The following CNTN6 variants were observed in gnomAD, a reference collection of about 807,000 sequenced individuals.
The protein encoded by CNTN6 is contactin-6.
A neutral mutation model predicts 122.8 loss-of-function variants in CNTN6; 137 were observed. That is an observed-to-expected ratio of 1.12 (90% CI 0.97 to 1.29). The LOEUF is 1.29. CNTN6 is among the 50% of genes most tolerant of loss of function. The probability of loss-of-function intolerance (pLI) is 0.00; values close to 1 mark genes in which losing one functional copy is unlikely to be tolerated. For synonymous variants in CNTN6, 570 were observed against 426.0 expected, an observed-to-expected ratio of 1.34 and a Z score of -4.16; for missense variants, 1,634 against 1,223.4, an observed-to-expected ratio of 1.34 and a Z score of -5.01.
chr3:1,231,198 G>C (rs192604172), intron 4 of CNTN6, among the ~76,000 whole-genome samples: 33 of 152,294 alleles, frequency 2.2e-4, no homozygotes, highest in Admixed American at 2.2e-3. Flanking sequence ...GCGAGACAGA[G>C]ATTAAACATT....
chr3:1,104,735 T>G (rs2091133938), intron 1 of CNTN6, among the ~76,000 whole-genome samples: 1 of 152,054 alleles, frequency 6.6e-6, no homozygotes, highest in Non-Finnish European at 1.5e-5. Flanking sequence ...TTCAGTCATC[T>G]TGTATATGTG....
intron 4 of CNTN6, among the ~76,000 whole-genome samples, chr3:1,229,593 G>C (rs1359235949): frequency 6.6e-6 from 1 of 152,056 alleles, no homozygotes; most frequent in East Asian, 1.9e-4. Flanking sequence ...ACAAAAATAT[G>C]TTTTAAAATG....
chr3:1,344,691 C>A (rs1033055980), intron 11 of CNTN6, among the ~76,000 whole-genome samples: 1 of 152,186 alleles, frequency 6.6e-6, no homozygotes, highest in African/African-American at 2.4e-5. Context: ...TTGGGACTCA[C>A]ACAACTCTTC....
chr3:1,156,689 CT>C (rs2092973965), intron 2 of CNTN6, among the ~76,000 whole-genome samples: 1 of 138,542 alleles, frequency 7.2e-6, no homozygotes, highest in African/African-American at 2.7e-5. Context: ...CTTTCCCTCC[CT>C]CCCTTCCTTC....
At chr3:1,189,709 C>G (rs1159707812) in intron 2 of CNTN6, among the ~76,000 whole-genome samples, 1 of 152,066 alleles carries the variant, frequency 6.6e-6, no homozygotes. Context: ...CAATGAGAAG[C>G]CTTTGAGGCC....
intron 4 of CNTN6, among the ~76,000 whole-genome samples, chr3:1,234,134 T>A (rs1405591823): frequency 6.6e-6 from 1 of 152,182 alleles, no homozygotes; most frequent in Non-Finnish European, 1.5e-5. Flanking sequence ...ACTATGTTAC[T>A]TGCCCAAGGT....
chr3:1,271,890 C>A (rs532833483), intron 4 of CNTN6, among the ~76,000 whole-genome samples: 1 of 152,202 alleles, frequency 6.6e-6, no homozygotes, highest in African/African-American at 2.4e-5. Flanking sequence ...ACCGTGGAAC[C>A]AGAGGGATAT....
intron 6 of CNTN6, among the ~76,000 whole-genome samples, chr3:1,297,638 CTTTTTT>C (rs71303106): frequency 7.2e-6 from 1 of 138,544 alleles, no homozygotes; most frequent in Non-Finnish European, 1.6e-5. Flanking sequence ...TTGTTTTTTT[CTTTTTT>C]TTTTTTTTTA....
intron 1 of CNTN6, among the ~76,000 whole-genome samples, chr3:1,097,710 G>A (rs747055012): frequency 1.3e-5 from 2 of 152,130 alleles, no homozygotes; most frequent in Non-Finnish European, 2.9e-5. Flanking sequence ...GTATTTTCAA[G>A]AGAATTCAGC....
intron 11 of CNTN6, among the ~76,000 whole-genome samples, chr3:1,332,493 A>AGG: frequency 1.7e-5 from 2 of 121,184 alleles, no homozygotes; most frequent in Admixed American, 9.5e-5. Flanking sequence ...AAAGGAAGGA[A>AGG]AAAAGGAAGG....
chr3:1,330,494 A>C (rs1012291042), intron 11 of CNTN6, among the ~76,000 whole-genome samples: 4 of 151,922 alleles, frequency 2.6e-5, no homozygotes, highest in South Asian at 2.1e-4. Flanking sequence ...AACAAACAAA[A>C]AAAAAGACGG....
intron 2 of CNTN6, among the ~76,000 whole-genome samples, chr3:1,175,488 C>G (rs2093432575): frequency 6.6e-6 from 1 of 152,148 alleles, no homozygotes; most frequent in African/African-American, 2.4e-5. Flanking sequence ...CAGATAGCAA[C>G]TGGGAGCACA....
intron 1 of CNTN6, among the ~76,000 whole-genome samples, chr3:1,117,861 A>G (rs537739865): frequency 6.6e-6 from 1 of 152,308 alleles, no homozygotes; most frequent in Admixed American, 6.5e-5. Context: ...AGTGTATATT[A>G]TATAGAACCT....
At chr3:1,240,514 C>G (rs2094469166) in intron 4 of CNTN6, among the ~76,000 whole-genome samples, 2 of 151,868 alleles carry the variant, frequency 1.3e-5, no homozygotes, top group Non-Finnish European at 2.9e-5. Context: ...ATCAAAAACT[C>G]AAAAAATAAT....
chr3:1,353,091 T>A (rs148628625), intron 12 of CNTN6, among the ~76,000 whole-genome samples: 108 of 151,802 alleles, frequency 7.1e-4, no homozygotes, highest in African/African-American at 2.6e-3. Context: ...AAGGACATAA[T>A]TAATATTAGA....
intron 1 of CNTN6, among the ~76,000 whole-genome samples, chr3:1,135,984 T>C (rs1408137234): frequency 6.6e-6 from 1 of 152,108 alleles, no homozygotes; most frequent in East Asian, 1.9e-4. Flanking sequence ...AGAACCAAAC[T>C]CTGTCTCAAA....
At chr3:1,348,331 A>G (rs527701323) in intron 11 of CNTN6, among the ~76,000 whole-genome samples, 3 of 152,060 alleles carry the variant, frequency 2.0e-5, no homozygotes, top group African/African-American at 7.2e-5. Context: ...AAAGAGGAAA[A>G]ACAATCCTTA....
intron 12 of CNTN6, among the ~76,000 whole-genome samples, chr3:1,366,902 G>C (rs1439879355): frequency 2.0e-5 from 3 of 152,114 alleles, no homozygotes; most frequent in Admixed American, 1.3e-4. Context: ...TGCTTATGTA[G>C]AGCTACTTCT....
chr3:1,257,845 C>T (rs769552508), intron 4 of CNTN6, among the ~76,000 whole-genome samples: 24 of 152,182 alleles, frequency 1.6e-4, no homozygotes, highest in South Asian at 1.0e-3. Context: ...AATGGCAGCA[C>T]TGCCTAGATA....
Sources: gnomAD v4.1 joint callset for allele counts (sites outside exome capture counted in the v4.1 genomes callset) on GRCh38, gnomAD v4.1.1 for gene constraint, MANE v1.5 for transcripts, NCBI Gene and HGNC (gene_info 2026-07-23, HGNC 2026-07-21) for gene names.